IL17RD: variants seen among roughly 807,000 people sequenced by gnomAD.
The protein encoded by IL17RD is interleukin 17 receptor D.
A neutral mutation model predicts 80.5 loss-of-function variants in IL17RD; 52 were observed. That is an observed-to-expected ratio of 0.65 (90% CI 0.52 to 0.81). The LOEUF (loss-of-function observed/expected upper bound fraction) is 0.81, where lower values mean the gene tolerates loss of function less well. IL17RD is among the 40% of genes least tolerant of loss of function. IL17RD has a pLI of 0.00. For missense variants in IL17RD, 1,024 were observed against 955.1 expected, an observed-to-expected ratio of 1.07 and a Z score of -0.95; for synonymous variants, 416 against 391.8, an observed-to-expected ratio of 1.06 and a Z score of -0.73.
At chr3:57,142,349 C>A in intron 1 of IL17RD, 1 of 453,068 alleles carries the variant, frequency 2.2e-6, no homozygotes, top group South Asian at 1.7e-5. Flanking sequence ...AAAATTCACT[C>A]TGTTCTTTCT....
intron 1 of IL17RD, among the ~76,000 whole-genome samples, chr3:57,161,108 C>A (rs1284749008): frequency 6.6e-6 from 1 of 152,206 alleles, no homozygotes; most frequent in African/African-American, 2.4e-5. Flanking sequence ...ATTAACTAGG[C>A]AAAACAGGCT....
intron 1 of IL17RD, among the ~76,000 whole-genome samples, chr3:57,158,173 T>G (rs1003626392): frequency 6.6e-6 from 1 of 152,250 alleles, no homozygotes; most frequent in Admixed American, 6.5e-5. Context: ...ATGGCTTTTC[T>G]GGTACGTTCA....
At chr3:57,146,048 C>CACAT (rs1239006950) in intron 1 of IL17RD, among the ~76,000 whole-genome samples, 1 of 149,096 alleles carries the variant, frequency 6.7e-6, no homozygotes, top group East Asian at 1.9e-4. Flanking sequence ...CGCGCGCGCA[C>CACAT]ACACACACAC....
rs188675083 is a variant in IL17RD at position 57,098,361 on chromosome 3, C to T, written c.1342G>A (p.Glu448Lys). The T allele has an allele frequency of 4.3e-6, 7 of 1,614,036 alleles. No individual in the cohort carries two copies. The Admixed American group carries it at 1.2e-4, about 27-fold the overall frequency. Residue 448 changes from glutamate (E) to lysine (K), a missense_variant, in exon 12 of 13, where the codon GAG becomes AAG. By Grantham distance (56) the Glu-to-Lys change is moderately conservative. Coordinates refer to ENST00000296318, the MANE Select transcript of IL17RD (RefSeq NM_017563.5). Reference sequence around the variant, plus strand: ...GCTGACACCGCCACCAGGAAGAGCTCTCCTTTCCCCGAGCCTCGGCCACCT... The same window carrying T: ...GCTGACACCGCCACCAGGAAGAGCTTTCCTTTCCCCGAGCCTCGGCCACCT... Reference protein sequence around the residue: ...KGGGRGSGKGELFLVAVSAIA... With the variant: ...KGGGRGSGKGKLFLVAVSAIA...
At chr3:57,134,300 G>A in intron 1 of IL17RD, 1 of 685,122 alleles carries the variant, frequency 1.5e-6, no homozygotes, top group South Asian at 1.4e-5. Context: ...ACAAACCTGT[G>A]ACTTTCCATT....
chr3:57,132,485 A>G (rs562405684), intron 1 of IL17RD, among the ~76,000 whole-genome samples: 22 of 152,184 alleles, frequency 1.4e-4, no homozygotes, highest in East Asian at 9.6e-4. Context: ...AACAAAAACA[A>G]ACAAAAAATT....
upstream of IL17RD, among the ~76,000 whole-genome samples, chr3:57,168,687 G>T (rs369183846): frequency 7.2e-5 from 11 of 152,030 alleles, no homozygotes; most frequent in Non-Finnish European, 1.0e-4. Flanking sequence ...CTCCTTTCTG[G>T]TTTTTTTGTG....
chr3:57,114,337 T>C (rs534639149), intron 3 of IL17RD, among the ~76,000 whole-genome samples: 1 of 152,238 alleles, frequency 6.6e-6, no homozygotes, highest in Non-Finnish European at 1.5e-5. Flanking sequence ...TAATGCTGGA[T>C]GGCCATTACG....
At chr3:57,147,155 T>C (rs1707950517) in intron 1 of IL17RD, among the ~76,000 whole-genome samples, 1 of 152,032 alleles carries the variant, frequency 6.6e-6, no homozygotes, top group African/African-American at 2.4e-5. Flanking sequence ...ATTATTAGGA[T>C]GGAGAAGAAT....
intron 11 of IL17RD, among the ~76,000 whole-genome samples, chr3:57,099,104 T>C (rs1706767994): frequency 6.6e-6 from 1 of 152,220 alleles, no homozygotes; most frequent in Admixed American, 6.5e-5. Flanking sequence ...AAAGGGGACC[T>C]ATCTCGACAC....
chr3:57,105,552 A>AAAAAAAAAAAAAAAAAATATAT, intron 7 of IL17RD, among the ~76,000 whole-genome samples: 11 of 63,586 alleles, frequency 1.7e-4, no homozygotes, highest in Admixed American at 3.9e-4. Context: ...AAAAAAAAAA[A>AAAAAAAAAAAAAAAAAATATAT]ATATATATAT....
chr3:57,134,733 CT>C, intron 1 of IL17RD: 1 of 633,060 alleles, frequency 1.6e-6, no homozygotes, highest in Admixed American at 2.0e-5. Flanking sequence ...AAAGCTCCCC[CT>C]TTGTCTGTAC....
Position 57,095,094 on chromosome 3 carries a change from C to T in IL17RD, c.*1299G>A, listed in dbSNP as rs878985082. On this transcript the variant is annotated 3_prime_UTR_variant, in exon 13 of 13. Coordinates refer to ENST00000296318, the MANE Select transcript of IL17RD (RefSeq NM_017563.5). The stretch of plus-strand genomic sequence containing the variant: ...ACATACCCCTTCATGTTGGTCTTAT[C>T]TGACGAAGAAGTGAAAACCACATTC... 2.0e-5 allele frequency: 3 copies of T among 152,402 alleles called. No individual in the cohort carries two copies. Among genetic ancestry groups the T allele is most frequent in the Admixed American group, 2.0e-4 (3 of 15,266 alleles). The allele number at this position is 152,402 out of a possible 1,614,324, so 9.4% of individuals were successfully genotyped here. A position where few individuals can be genotyped will look rare whatever the true frequency, so the allele number is the denominator to read the frequency against.
At chr3:57,141,218 C>T (rs1435436896) in intron 1 of IL17RD, among the ~76,000 whole-genome samples, 1 of 152,108 alleles carries the variant, frequency 6.6e-6, no homozygotes, top group African/African-American at 2.4e-5. Context: ...CATAACTTAA[C>T]CACAGTATGC....
chr3:57,166,294 C>T (rs116207669), upstream of IL17RD, among the ~76,000 whole-genome samples: 592 of 152,280 alleles, frequency 3.9e-3, 2 homozygotes, highest in African/African-American at 0.013. Context: ...CTGACTTTGT[C>T]CCCGTGTCCG....
At chr3:57,163,807 G>T (rs1382528791) in intron 1 of IL17RD, among the ~76,000 whole-genome samples, 2 of 134,330 alleles carry the variant, frequency 1.5e-5, no homozygotes, top group Non-Finnish European at 3.3e-5. Context: ...GGGGGAAGGG[G>T]GTGGCGGGGG....
At chr3:57,108,735 C>G (rs561114334) in intron 5 of IL17RD, among the ~76,000 whole-genome samples, 1 of 151,440 alleles carries the variant, frequency 6.6e-6, no homozygotes, top group South Asian at 2.1e-4. Context: ...AGGCTGGTCT[C>G]GAACTACTGA....
upstream of IL17RD, among the ~76,000 whole-genome samples, chr3:57,168,819 C>T (rs183121942): frequency 1.1e-4 from 17 of 152,276 alleles, no homozygotes; most frequent in African/African-American, 3.1e-4. Flanking sequence ...CAGGTTCAAG[C>T]GATTCTCCTG....
chr3:57,167,854 C>T (rs533338285), upstream of IL17RD, among the ~76,000 whole-genome samples: 5 of 151,986 alleles, frequency 3.3e-5, no homozygotes, highest in East Asian at 5.8e-4. Context: ...TTCTTTGAGA[C>T]GAAGTCTCAC....
Sources: allele counts gnomAD v4.1 joint callset (sites outside exome capture counted in the v4.1 genomes callset), GRCh38; gene constraint gnomAD v4.1.1; transcripts MANE v1.5; gene names NCBI Gene and HGNC (gene_info 2026-07-23, HGNC 2026-07-21).